DYNC1I1: variants seen among roughly 807,000 people sequenced by gnomAD.
The protein encoded by DYNC1I1 is dynein cytoplasmic 1 intermediate chain 1.
A neutral mutation model predicts 86.6 loss-of-function variants in DYNC1I1; 43 were observed. The observed-to-expected ratio is 0.50, with a 90% confidence interval of 0.39 to 0.64. DYNC1I1 has a LOEUF of 0.64. Ranked by LOEUF, DYNC1I1 falls within the 30% of genes least tolerant of loss-of-function variation. The pLI, the probability that DYNC1I1 is intolerant of heterozygous loss-of-function variation, is 0.00. For missense variants in DYNC1I1, 604 were observed against 788.8 expected, an observed-to-expected ratio of 0.77 and a Z score of 2.81; for synonymous variants, 262 against 283.7, an observed-to-expected ratio of 0.92 and a Z score of 0.77.
intron 9 of DYNC1I1, among the ~76,000 whole-genome samples, chr7:95,989,811 A>G (rs890876317): frequency 1.3e-5 from 2 of 152,210 alleles, no homozygotes; most frequent in African/African-American, 2.4e-5. Context: ...TGTGTTGTAT[A>G]TGAGGCGTAA....
chr7:95,987,265 G>C lies in DYNC1I1; in HGVS notation c.843+110G>C, dbSNP rs1271602461. 6.3e-6 allele frequency: 6 copies of C among 945,816 alleles called. No homozygotes were observed. The Admixed American group carries it at 9.1e-5, about 14-fold the overall frequency. The allele number at this position is 945,816 out of a possible 1,614,324, so 58.6% of individuals were successfully genotyped here. A position where few individuals can be genotyped will look rare whatever the true frequency, so the allele number is the denominator to read the frequency against. ...CTACGATTTCCTCTCTATGCCTGTT[G>C]GTTTTTTTCCCCTCATTTTATTGAG... On this transcript the variant is annotated intron_variant, in intron 9 of 16. Transcript: ENST00000447467.
chr7:96,095,341 T>C (rs962105693), intron 16 of DYNC1I1, among the ~76,000 whole-genome samples: 7 of 152,182 alleles, frequency 4.6e-5, no homozygotes, highest in Non-Finnish European at 7.4e-5. Context: ...ACTATGTAAA[T>C]ACATTTACCT....
At chr7:96,069,374 T>A (rs952700988) in intron 14 of DYNC1I1, among the ~76,000 whole-genome samples, 2 of 152,210 alleles carry the variant, frequency 1.3e-5, no homozygotes, top group Non-Finnish European at 2.9e-5. Flanking sequence ...TGCCTCAATT[T>A]TGCTAATGAG....
At chr7:95,938,196 A>T (rs1192621279) in intron 6 of DYNC1I1, among the ~76,000 whole-genome samples, 1 of 152,170 alleles carries the variant, frequency 6.6e-6, no homozygotes, top group Non-Finnish European at 1.5e-5. Flanking sequence ...TTTTATCTAG[A>T]TGAGTGTATC....
chr7:96,090,529 A>AC (rs1175597062), intron 16 of DYNC1I1, among the ~76,000 whole-genome samples: 1 of 151,838 alleles, frequency 6.6e-6, no homozygotes, highest in Non-Finnish European at 1.5e-5. Flanking sequence ...TGTAAAAAAA[A>AC]AACGTGGTAA....
chr7:95,856,224 T>C (rs962196047), intron 5 of DYNC1I1, among the ~76,000 whole-genome samples: 3 of 152,162 alleles, frequency 2.0e-5, no homozygotes, highest in Non-Finnish European at 4.4e-5. Context: ...GCATACACAG[T>C]GTGAGGGTCA....
At chr7:95,785,576 C>T (rs1794109273) in intron 1 of DYNC1I1, among the ~76,000 whole-genome samples, 1 of 151,632 alleles carries the variant, frequency 6.6e-6, no homozygotes, top group Non-Finnish European at 1.5e-5. Context: ...TAATCTGATC[C>T]TCCTTCCCAA....
At position 96,018,698 on chromosome 7, in the gene DYNC1I1, G is replaced by A. The variant is rs376310991; in HGVS notation, c.970-9477G>A. ...CTAAGAGCCTCATTATTTCTGTGGG[G>A]AGGAGAAACAAGGAGAGATGTAAAA... is the stretch of plus-strand genomic sequence containing the variant. On this transcript the variant is annotated intron_variant, in intron 10 of 16. Coordinates refer to ENST00000447467, the MANE Select transcript of DYNC1I1 (RefSeq NM_001135556.2). Among the ~76,000 whole-genome samples the A allele has an allele frequency of 6.6e-5, 10 of 152,246 alleles. No individual in the cohort carries two copies. The South Asian group carries it at 1.0e-3, about 16-fold the overall frequency.
At chr7:95,932,515 G>A (rs1791924700) in intron 6 of DYNC1I1, among the ~76,000 whole-genome samples, 1 of 152,182 alleles carries the variant, frequency 6.6e-6, no homozygotes, top group Non-Finnish European at 1.5e-5. Flanking sequence ...ACATATGAAG[G>A]AATTAGAAGT....
At chr7:95,981,626 A>G (rs961316094) in intron 7 of DYNC1I1, among the ~76,000 whole-genome samples, 6 of 152,110 alleles carry the variant, frequency 3.9e-5, no homozygotes, top group Admixed American at 3.3e-4. Flanking sequence ...TTCATAGTGT[A>G]GAATCTACTT....
chr7:95,961,535 T>C (rs1165589420), intron 6 of DYNC1I1, among the ~76,000 whole-genome samples: 1 of 152,234 alleles, frequency 6.6e-6, no homozygotes, highest in Non-Finnish European at 1.5e-5. Context: ...TTTGTTTTCA[T>C]GATTCTGCAT....
chr7:95,804,583 T>C (rs777457440), intron 1 of DYNC1I1, 138 bp from the exon 2 acceptor site: 39 of 1,033,594 alleles, frequency 3.8e-5, no homozygotes, highest in Non-Finnish European at 5.0e-5. Context: ...TTCTTTCACA[T>C]AGGCTAAATA....
At chr7:96,087,175 T>C (rs1790707020) in intron 16 of DYNC1I1, among the ~76,000 whole-genome samples, 1 of 152,192 alleles carries the variant, frequency 6.6e-6, no homozygotes, top group African/African-American at 2.4e-5. Context: ...CAATTCTCCA[T>C]AAGCAGCCTG....
intron 6 of DYNC1I1, among the ~76,000 whole-genome samples, chr7:95,877,245 T>G (rs1454453302): frequency 2.0e-5 from 3 of 152,146 alleles, no homozygotes; most frequent in Non-Finnish European, 4.4e-5. Flanking sequence ...GGGACTCCCT[T>G]TTTTCAGCCC....
intron 9 of DYNC1I1, among the ~76,000 whole-genome samples, chr7:95,993,569 C>G (rs1178821138): frequency 6.6e-6 from 1 of 152,098 alleles, no homozygotes; most frequent in African/African-American, 2.4e-5. Context: ...GGCTTTGAAT[C>G]AAAGGCTTTC....
At chr7:96,087,091 G>A (rs1295845685) in intron 16 of DYNC1I1, among the ~76,000 whole-genome samples, 1 of 46,732 alleles carries the variant, frequency 2.1e-5, no homozygotes, top group Non-Finnish European at 5.4e-5. Flanking sequence ...GATTTTTAAG[G>A]GGAATCACAC....
At chr7:96,031,139 C>T (rs1794798373) in intron 11 of DYNC1I1, among the ~76,000 whole-genome samples, 1 of 152,124 alleles carries the variant, frequency 6.6e-6, no homozygotes, top group South Asian at 2.1e-4. Context: ...AGTGATAATT[C>T]AATGCTACCC....
rs185370132 is a variant in DYNC1I1 at position 96,012,451 on chromosome 7, G to T, written c.970-15724G>T. The stretch of plus-strand genomic sequence containing the variant: ...GAGTTTTAAATCTCTATTCTGCCTG[G>T]AACTTTAGCTGTCTCAATATGGGAG... On this transcript the variant is annotated intron_variant, in intron 10 of 16. Transcript: ENST00000447467. 8.4e-4 allele frequency among the ~76,000 whole-genome samples: 128 copies of T among 152,268 alleles called. 1 individual carries two copies. Among genetic ancestry groups the T allele is most frequent in the Non-Finnish European group, 1.2e-3 (79 of 68,012 alleles).
intron 6 of DYNC1I1, among the ~76,000 whole-genome samples, chr7:95,875,558 C>T (rs534430423): frequency 1.7e-4 from 26 of 152,276 alleles, no homozygotes; most frequent in African/African-American, 6.3e-4. Flanking sequence ...ATAGAGTCCC[C>T]CTCTCATCTG....
Sources: gnomAD v4.1 joint callset for allele counts (sites outside exome capture counted in the v4.1 genomes callset) on GRCh38, gnomAD v4.1.1 for gene constraint, MANE v1.5 for transcripts, NCBI Gene and HGNC (gene_info 2026-07-23, HGNC 2026-07-21) for gene names.